IRAK2: variants seen among roughly 807,000 people sequenced by gnomAD.
IRAK2 encodes the protein interleukin 1 receptor associated kinase 2.
Under a neutral mutation model 72.0 loss-of-function variants are expected in IRAK2, and 57 were observed. The ratio of observed to expected loss-of-function variants is 0.79; its 90% CI spans 0.64 to 0.99. The LOEUF (loss-of-function observed/expected upper bound fraction) is 0.99, where lower values mean the gene tolerates loss of function less well. IRAK2 is among the 50% of genes least tolerant of loss of function. IRAK2 has a pLI of 0.00. For synonymous variants in IRAK2, 293 were observed against 312.7 expected (o/e 0.94, Z 0.67); for missense variants, 790 against 794.4 (o/e 0.99, Z 0.07).
intron 2 of IRAK2, among the ~76,000 whole-genome samples, chr3:10,179,543 C>T (rs1016842608): frequency 6.6e-6 from 1 of 151,978 alleles, no homozygotes; most frequent in African/African-American, 2.4e-5. Context: ...AAGTGATTCT[C>T]CTGCCTCAGC....
rs775713509 is a variant in IRAK2, at chr3:10,209,688, CA to C, written c.527del (p.Lys176ArgfsTer14). 1 of 1,505,126 alleles carries C rather than the reference CA, an allele frequency of 6.6e-7. No homozygotes were observed. Among genetic ancestry groups the C allele is most frequent in the East Asian group, 2.6e-5 (1 of 38,700 alleles). 93.2% of individuals were successfully genotyped at this position (1,505,126 alleles called of 1,614,324 possible). On this transcript the variant is annotated frameshift_variant, in exon 4 of 13. Transcript: ENST00000256458. LOFTEE classifies it high-confidence loss of function. ...LRSDLPTSSD[S>X]KDFSTSIPKQ... is the part of the protein sequence containing the mutation. ...AGCGACCTCCCCACTTCGTCTGATT[CA>C]AAGGTAAATCCACCCCTCGGCTGCA...
intron 9 of IRAK2, among the ~76,000 whole-genome samples, chr3:10,225,670 G>A (rs1013786888): frequency 6.6e-6 from 1 of 151,788 alleles, no homozygotes; most frequent in African/African-American, 2.4e-5. Context: ...ACAGAGCAAT[G>A]CCTGCTTGCC....
At chr3:10,196,189 A>G (rs541355580) in intron 2 of IRAK2, among the ~76,000 whole-genome samples, 1 of 152,320 alleles carries the variant, frequency 6.6e-6, no homozygotes, top group South Asian at 2.1e-4. Context: ...ATCTTAGCAC[A>G]CTGCAGCCTC....
intron 1 of IRAK2, among the ~76,000 whole-genome samples, chr3:10,171,570 G>A (rs1380428290): frequency 6.6e-6 from 1 of 152,114 alleles, no homozygotes; most frequent in African/African-American, 2.4e-5. Flanking sequence ...ACTCAAGAGT[G>A]ATAGTCCCTG....
intron 2 of IRAK2, among the ~76,000 whole-genome samples, chr3:10,186,661 T>C (rs987773132): frequency 6.6e-6 from 1 of 151,654 alleles, no homozygotes; most frequent in African/African-American, 2.4e-5. Flanking sequence ...GATTAGATTA[T>C]TAGAAAGGTT....
At chr3:10,226,271 T>G in intron 9 of IRAK2, 100 bp from the exon 10 acceptor site, 2 of 908,272 alleles carry the variant, frequency 2.2e-6, no homozygotes. Flanking sequence ...ATGGCAGAGC[T>G]GCACCTGGAG....
chr3:10,212,978 C>G (rs542912071), intron 4 of IRAK2, among the ~76,000 whole-genome samples: 1 of 151,938 alleles, frequency 6.6e-6, no homozygotes, highest in Admixed American at 6.6e-5. Flanking sequence ...CTGTGTTAGC[C>G]AGGATGGTCT....
intron 8 of IRAK2, among the ~76,000 whole-genome samples, chr3:10,222,284 G>A (rs1202920654): frequency 3.9e-5 from 6 of 152,174 alleles, no homozygotes; most frequent in Non-Finnish European, 1.5e-5. Flanking sequence ...CCAGGCCAGA[G>A]CTGGGGGTTG....
intron 6 of IRAK2, among the ~76,000 whole-genome samples, chr3:10,214,038 C>A (rs1248913584): frequency 6.6e-6 from 1 of 151,944 alleles, no homozygotes; most frequent in Non-Finnish European, 1.5e-5. Flanking sequence ...AGGTGATTCT[C>A]GTGCCTTAGC....
intron 3 of IRAK2, among the ~76,000 whole-genome samples, chr3:10,203,337 A>C (rs1450210654): frequency 6.6e-6 from 1 of 152,184 alleles, no homozygotes; most frequent in Non-Finnish European, 1.5e-5. Context: ...AAATGTGCCC[A>C]GGCAGGTCAA....
chr3:10,213,909 C>T (rs1345374569), intron 6 of IRAK2, among the ~76,000 whole-genome samples: 2 of 151,898 alleles, frequency 1.3e-5, no homozygotes, highest in Non-Finnish European at 2.9e-5. Flanking sequence ...AATCTTCTCT[C>T]CTTTTTTTTT....
chr3:10,177,981 C>T lies in IRAK2; in HGVS notation c.238C>T (p.Arg80Cys), dbSNP rs555345416. Residue 80 changes from arginine to cysteine, a missense_variant, in exon 2 of 13, where the codon CGC becomes TGC. By Grantham distance (180) the Arg-to-Cys change is radical. Transcript: ENST00000256458. ...CCAGCAACTTGTGGACCTCCTGTGC[C>T]GCCTGGAGCTCTACCGGGCTGCCCA... ...TVQQLVDLLC[R>C]LELYRAAQII... 6.4e-5 allele frequency: 104 copies of T among 1,613,198 alleles called. 1 individual carries two copies. The highest frequency in any genetic ancestry group is 5.6e-4 in the South Asian group (51 of 90,990).
intron 2 of IRAK2, among the ~76,000 whole-genome samples, chr3:10,191,122 G>A (rs1412017601): frequency 1.3e-5 from 2 of 152,060 alleles, no homozygotes; most frequent in East Asian, 3.9e-4. Context: ...GTGATACCCC[G>A]TCTCTACTAA....
chr3:10,236,342 G>GTTTTTTTTTTTTTTTTTT (rs34423993), intron 11 of IRAK2, among the ~76,000 whole-genome samples: 1 of 99,636 alleles, frequency 1.0e-5, no homozygotes, highest in African/African-American at 3.7e-5. Flanking sequence ...AGCCACTAAG[G>GTTTTTTTTTTTTTTTTTT]TTTTTTTTTT....
At chr3:10,215,750 G>GTA (rs925432725) in intron 6 of IRAK2, among the ~76,000 whole-genome samples, 1 of 72,556 alleles carries the variant, frequency 1.4e-5, no homozygotes, top group African/African-American at 4.3e-5. Flanking sequence ...ACTCACATGT[G>GTA]TACACACACA....
intron 10 of IRAK2, among the ~76,000 whole-genome samples, chr3:10,229,781 C>G (rs764881199): frequency 6.6e-6 from 1 of 152,044 alleles, no homozygotes; most frequent in Non-Finnish European, 1.5e-5. Context: ...CTGAATAAAG[C>G]CAACACAAAC....
In IRAK2 at chr3:10,200,481, G is replaced by C. The variant is rs773220564; in HGVS notation, c.390G>C (p.Gly130=). The change falls in exon 3 of 13, where the codon GGG becomes GGC. Residue 130 remains glycine, a synonymous_variant. Transcript: ENST00000256458. The part of the protein sequence containing the change: ...VRKAEDEQEE[G]QPVRMATFPG... Reference sequence around the variant, plus strand: ...AGGCTGAGGATGAACAGGAAGAGGGGCAGCCTGTGAGGATGGCCACCTTTC... The same window carrying C: ...AGGCTGAGGATGAACAGGAAGAGGGCCAGCCTGTGAGGATGGCCACCTTTC... 3 of 1,595,796 alleles carry C rather than the reference G, an allele frequency of 1.9e-6. No homozygotes were observed. The Admixed American group carries it at 5.1e-5, about 27-fold the overall frequency.
At chr3:10,167,540 T>G (rs568492446) in intron 1 of IRAK2, among the ~76,000 whole-genome samples, 2 of 151,838 alleles carry the variant, frequency 1.3e-5, no homozygotes, top group East Asian at 1.9e-4. Flanking sequence ...TCAGCCTCCC[T>G]AGCAGCTTGG....
At chr3:10,191,327 C>T (rs1007464922) in intron 2 of IRAK2, among the ~76,000 whole-genome samples, 12 of 151,838 alleles carry the variant, frequency 7.9e-5, no homozygotes, top group African/African-American at 2.2e-4. Context: ...TAGAACCAGT[C>T]GTGACGCCCA....
Sources: gnomAD v4.1 joint callset for allele counts (sites outside exome capture counted in the v4.1 genomes callset) on GRCh38, gnomAD v4.1.1 for gene constraint, MANE v1.5 for transcripts, NCBI Gene and HGNC (gene_info 2026-07-23, HGNC 2026-07-21) for gene names.